KPNA1: variants seen among roughly 807,000 people sequenced by gnomAD.
The protein encoded by KPNA1 is importin subunit alpha-5.
KPNA1 carries 10 observed loss-of-function variants against 70.5 expected under a neutral mutation model. The ratio of observed to expected loss-of-function variants is 0.14; its 90% CI spans 0.09 to 0.24. The LOEUF (loss-of-function observed/expected upper bound fraction) is 0.24. KPNA1 is among the 10% of genes least tolerant of loss of function. The pLI, the probability that KPNA1 is intolerant of heterozygous loss-of-function variation, is 1.00. For synonymous variants in KPNA1, 192 were observed against 221.9 expected (o/e 0.87, Z 1.20); for missense variants, 397 against 637.9 (o/e 0.62, Z 4.07).
chr3:122,476,860 A>AC (rs1359241484), intron 2 of KPNA1, among the ~76,000 whole-genome samples: 2 of 91,650 alleles, frequency 2.2e-5, no homozygotes, highest in East Asian at 5.0e-4. Flanking sequence ...TGGAGGTTCC[A>AC]CAAAAAAAAA....
intron 4 of KPNA1, among the ~76,000 whole-genome samples, chr3:122,462,232 A>G (rs564350628): frequency 6.6e-6 from 1 of 152,348 alleles, no homozygotes; most frequent in Admixed American, 6.5e-5. Flanking sequence ...ACAACAAAAA[A>G]AAACAGAAAT....
intron 1 of KPNA1, among the ~76,000 whole-genome samples, chr3:122,499,864 T>C (rs908419430): frequency 2.0e-5 from 3 of 152,212 alleles, no homozygotes; most frequent in Non-Finnish European, 2.9e-5. Context: ...TGGAAAGTAT[T>C]CCCCAGGAAG....
Position 122,425,199 on chromosome 3 carries a change from C to G in KPNA1, c.*1786G>C, listed in dbSNP as rs541226097. 6.5e-6 allele frequency: 1 copy of G among 152,748 alleles called. No individual in the cohort carries two copies. Among genetic ancestry groups the G allele is most frequent in the African/African-American group, 2.4e-5 (1 of 41,586 alleles). The allele number at this position is 152,748 out of a possible 1,614,324, so 9.5% of individuals were successfully genotyped here. On this transcript the variant is annotated 3_prime_UTR_variant, in exon 14 of 14. Transcript: ENST00000344337. ...AAATGTCCTTTGTCTTTGACTCTTT[C>G]TAGTTTGAATGAAGTGGATTTTTTA...
intron 1 of KPNA1, among the ~76,000 whole-genome samples, chr3:122,508,265 T>C (rs904167018): frequency 2.0e-5 from 3 of 152,152 alleles, no homozygotes; most frequent in African/African-American, 7.2e-5. Context: ...TGGAAAACTC[T>C]GAAGCCTAAC....
chr3:122,476,953 A>G (rs759968848), intron 2 of KPNA1, among the ~76,000 whole-genome samples: 16 of 151,960 alleles, frequency 1.1e-4, no homozygotes, highest in Non-Finnish European at 2.1e-4. Context: ...AAAGGAAGTC[A>G]GTATGTCAAA....
intron 8 of KPNA1, among the ~76,000 whole-genome samples, chr3:122,451,125 G>C (rs1281695305): frequency 6.6e-6 from 1 of 151,428 alleles, no homozygotes; most frequent in Non-Finnish European, 1.5e-5. Context: ...AACACCACCT[G>C]TTCCCCAAAA....
chr3:122,468,779 A>T (rs2076409555), intron 2 of KPNA1, among the ~76,000 whole-genome samples: 1 of 152,330 alleles, frequency 6.6e-6, no homozygotes, highest in East Asian at 1.9e-4. Context: ...ACTAAAAAGA[A>T]ATGCAAGAGA....
intron 5 of KPNA1, among the ~76,000 whole-genome samples, chr3:122,457,286 G>C (rs1316592931): frequency 2.6e-5 from 4 of 151,838 alleles, no homozygotes; most frequent in African/African-American, 9.7e-5. Flanking sequence ...TTGTGAAATG[G>C]GAAAGCCTAG....
chr3:122,458,316 G>C (rs551151576), intron 5 of KPNA1, among the ~76,000 whole-genome samples: 1 of 152,236 alleles, frequency 6.6e-6, no homozygotes, highest in East Asian at 1.9e-4. Flanking sequence ...AGACCTAGAT[G>C]TCACTGAGCT....
chr3:122,489,422 G>A (rs575429528), intron 2 of KPNA1, among the ~76,000 whole-genome samples: 1 of 151,140 alleles, frequency 6.6e-6, no homozygotes, highest in East Asian at 1.9e-4. Flanking sequence ...TGGGACTTAG[G>A]ACTATAGCGT....
chr3:122,435,143 G>A (rs1395789803), intron 11 of KPNA1, among the ~76,000 whole-genome samples: 1 of 152,002 alleles, frequency 6.6e-6, no homozygotes, highest in Non-Finnish European at 1.5e-5. Context: ...AATAATAATT[G>A]TATATATTTA....
At chr3:122,462,055 C>T (rs2076329707) in intron 4 of KPNA1, among the ~76,000 whole-genome samples, 1 of 152,148 alleles carries the variant, frequency 6.6e-6, no homozygotes, top group East Asian at 1.9e-4. Context: ...GTTCAATGTT[C>T]ATTTGGAAAG....
intron 1 of KPNA1, among the ~76,000 whole-genome samples, chr3:122,499,676 T>A (rs921032712): frequency 1.3e-5 from 2 of 152,000 alleles, no homozygotes; most frequent in African/African-American, 4.8e-5. Context: ...GCAGGATGGC[T>A]TGAGTCCAGC....
intron 2 of KPNA1, among the ~76,000 whole-genome samples, chr3:122,484,159 T>G (rs2076603024): frequency 1.3e-5 from 2 of 152,184 alleles, no homozygotes; most frequent in Admixed American, 6.5e-5. Flanking sequence ...TGGTGGGATG[T>G]ATGCAGTAAC....
chr3:122,473,415 T>C (rs558911174), intron 2 of KPNA1, among the ~76,000 whole-genome samples: 123 of 152,300 alleles, frequency 8.1e-4, no homozygotes, highest in Non-Finnish European at 6.6e-4. Context: ...TTGACAAATA[T>C]ACATTATAAC....
chr3:122,437,263 T>C lies in KPNA1; in HGVS notation c.1029A>G (p.Leu343=), dbSNP rs1307849833. 1.9e-6 allele frequency: 3 copies of C among 1,613,684 alleles called. No individual in the cohort carries two copies. Among genetic ancestry groups the C allele is most frequent in the Admixed American group, 1.7e-5 (1 of 59,988 alleles). Residue 343 remains leucine, a synonymous_variant, in exon 11 of 14, where the codon TTA becomes TTG. Transcript: ENST00000344337. ...VILNCSALQS[L]LHLLSSPKES... is the part of the protein sequence containing the mutation. ...CCTTTGGGCTACTCAGCAAATGCAATAAACTCTGCAGAGCTGAGCAATTCA... is the reference window on the plus strand; with the variant it reads ...CCTTTGGGCTACTCAGCAAATGCAACAAACTCTGCAGAGCTGAGCAATTCA...
chr3:122,460,372 T>G, intron 5 of KPNA1: 2 of 964,310 alleles, frequency 2.1e-6, no homozygotes, highest in Non-Finnish European at 2.5e-6. Flanking sequence ...GAGCAGTGGC[T>G]CACACCTGTA....
chr3:122,514,405 C>G (rs989544038), intron 1 of KPNA1: 2 of 150,390 alleles, frequency 1.3e-5, no homozygotes, highest in African/African-American at 2.4e-5. Flanking sequence ...GGCGCAGGCT[C>G]CGCGCTCGCC....
At chr3:122,498,605 T>G (rs541952513) in intron 1 of KPNA1, among the ~76,000 whole-genome samples, 1 of 152,344 alleles carries the variant, frequency 6.6e-6, no homozygotes, top group African/African-American at 2.4e-5. Context: ...ATTCCACTGA[T>G]CTATATGTGT....
Sources: allele counts gnomAD v4.1 joint callset (sites outside exome capture counted in the v4.1 genomes callset), GRCh38; gene constraint gnomAD v4.1.1; transcripts MANE v1.5; gene names NCBI Gene and HGNC (gene_info 2026-07-23, HGNC 2026-07-21).